The following RAB7A variants were observed in gnomAD, a reference collection of about 807,000 sequenced individuals.
RAB7A encodes RAB7A, member RAS oncogene family, also known as ras-related protein Rab-7a.
Under a neutral mutation model 24.5 loss-of-function variants are expected in RAB7A, and 2 were observed. The observed-to-expected ratio is 0.08, with a 90% CI of 0.03 to 0.26. RAB7A has a LOEUF of 0.26. Among genes scored for constraint, RAB7A ranks in the 10% least tolerant of loss-of-function variants. RAB7A has a pLI of 1.00. For synonymous variants in RAB7A, 100 were observed against 95.9 expected (o/e 1.04, Z -0.25); for missense variants, 118 against 255.7 (o/e 0.46, Z 3.67).
rs368342555 is a variant in RAB7A, at chr3:128,795,494, C to T, written c.53+74C>T. The T allele has an allele frequency of 3.7e-4, 504 of 1,364,488 alleles. 1 individual carries two copies. Among genetic ancestry groups the T allele is most frequent in the African/African-American group, 1.1e-3 (77 of 70,002 alleles). 84.5% of individuals were successfully genotyped at this position (1,364,488 alleles called of 1,614,324 possible). On this transcript the variant is annotated intron_variant, in intron 2 of 5. Coordinates refer to ENST00000265062, the MANE Select transcript of RAB7A (RefSeq NM_004637.6). ...TCTCTGCTGTGGAGCCCACACTGTC[C>T]GTGCTGCCACTTCTTGCTTTCATAG...
At chr3:128,757,421 G>A (rs570761214) in intron 1 of RAB7A, among the ~76,000 whole-genome samples, 12 of 152,268 alleles carry the variant, frequency 7.9e-5, no homozygotes, top group African/African-American at 2.9e-4. Flanking sequence ...GGTGTGCTTA[G>A]CAGTTTGAAA....
intron 2 of RAB7A, 121 bp from the exon 3 acceptor site, chr3:128,797,822 G>A: frequency 8.9e-7 from 1 of 1,129,036 alleles, no homozygotes; most frequent in Non-Finnish European, 1.3e-6. Context: ...ATTGCCCTTT[G>A]CTGTGAGGGC....
intron 1 of RAB7A, among the ~76,000 whole-genome samples, chr3:128,770,607 A>G (rs759358432): frequency 6.6e-6 from 1 of 152,184 alleles, no homozygotes; most frequent in African/African-American, 2.4e-5. Context: ...ACAAAAGTAC[A>G]TCATCAGTTG....
At chr3:128,768,683 C>T (rs771228706) in intron 1 of RAB7A, among the ~76,000 whole-genome samples, 31 of 151,460 alleles carry the variant, frequency 2.0e-4, no homozygotes, top group African/African-American at 5.8e-4. Flanking sequence ...CTCAGCCCCA[C>T]GAGTAGCTGG....
At chr3:128,766,390 G>A (rs1032159159) in intron 1 of RAB7A, among the ~76,000 whole-genome samples, 13 of 152,184 alleles carry the variant, frequency 8.5e-5, no homozygotes, top group Admixed American at 2.6e-4. Context: ...GGTAACCACC[G>A]TCATGGGAAA....
Position 128,731,083 on chromosome 3 carries a change from C to G in RAB7A, c.-9+4724C>G, listed in dbSNP as rs528975003. ...CTTTCCTTTCCAGCTTTGCTTCATACTGCTGGGCATTAACCATCTCAGATC... is the reference window on the plus strand; with the variant it reads ...CTTTCCTTTCCAGCTTTGCTTCATAGTGCTGGGCATTAACCATCTCAGATC... On this transcript the variant is annotated intron_variant, in intron 1 of 5. Coordinates refer to ENST00000265062, the MANE Select transcript of RAB7A (RefSeq NM_004637.6). Among the ~76,000 whole-genome samples the G allele has an allele frequency of 2.0e-5, 3 of 152,328 alleles. No individual in the cohort carries two copies. The South Asian group carries it at 6.2e-4, about 32-fold the overall frequency.
intron 1 of RAB7A, among the ~76,000 whole-genome samples, chr3:128,763,820 T>C (rs1414562102): frequency 1.3e-5 from 2 of 151,918 alleles, no homozygotes; most frequent in Non-Finnish European, 1.5e-5. Context: ...ATTTCAATCA[T>C]TTTAAATACA....
In RAB7A at chr3:128,754,311, TTA is replaced by T. The variant is rs546237144; in HGVS notation, c.-9+27956_-9+27957del. The stretch of plus-strand genomic sequence containing the variant: ...GGTTGGAGCTGTATAGGAGCAGTTT[TTA>T]TATGTTATTGAAGTTAACTTGGTAT... On this transcript the variant is annotated intron_variant, in intron 1 of 5. Transcript: ENST00000265062. Among the ~76,000 whole-genome samples the T allele has an allele frequency of 9.8e-5, 15 of 152,328 alleles. No individual in the cohort carries two copies. The East Asian group carries it at 2.5e-3, about 25-fold the overall frequency.
chr3:128,774,206 A>T (rs951729586), intron 1 of RAB7A, among the ~76,000 whole-genome samples: 1 of 150,982 alleles, frequency 6.6e-6, no homozygotes, highest in Non-Finnish European at 1.5e-5. Context: ...AAAATTAAAA[A>T]AAAAAAAAGC....
At chr3:128,802,960 A>C (rs1304628521) in intron 3 of RAB7A, among the ~76,000 whole-genome samples, 5 of 151,946 alleles carry the variant, frequency 3.3e-5, no homozygotes, top group Non-Finnish European at 7.4e-5. Flanking sequence ...GCCTGCCACC[A>C]CGCTTGGCTA....
Position 128,813,545 on chromosome 3 carries a change from A to G in RAB7A, c.*123A>G. Reference sequence around the variant, plus strand: ...TTGATCTCTCACATCCAGCTGCCAAAAGAAAACCCCATCAAACACAGTTAC... The same window carrying G: ...TTGATCTCTCACATCCAGCTGCCAAGAGAAAACCCCATCAAACACAGTTAC... On this transcript the variant is annotated 3_prime_UTR_variant, in exon 6 of 6. Coordinates refer to ENST00000265062, the MANE Select transcript of RAB7A (RefSeq NM_004637.6). The G allele has an allele frequency of 3.3e-6, 3 of 898,032 alleles. No individual in the cohort carries two copies. Among genetic ancestry groups the G allele is most frequent in the Non-Finnish European group, 5.4e-6 (3 of 554,082 alleles). 55.6% of individuals were successfully genotyped at this position (898,032 alleles called of 1,614,324 possible).
At chr3:128,781,343 C>T (rs1933214314) in intron 1 of RAB7A, among the ~76,000 whole-genome samples, 2 of 152,168 alleles carry the variant, frequency 1.3e-5, no homozygotes, top group African/African-American at 4.8e-5. Context: ...GGAGGATTCT[C>T]ATTTTTCACA....
Position 128,813,830 on chromosome 3 carries a change from T to G in RAB7A, c.*408T>G. ...TCTGTGTCTAATTATCTGATTTTTT[T>G]TATTGGTCTTGTGGTCTTTTTACCC... On this transcript the variant is annotated 3_prime_UTR_variant, in exon 6 of 6. Transcript: ENST00000265062. The G allele has an allele frequency of 3.5e-6, 1 of 285,630 alleles. No individual in the cohort carries two copies. The highest frequency in any genetic ancestry group is 7.0e-6 in the Non-Finnish European group (1 of 143,286). 17.7% of individuals were successfully genotyped at this position (285,630 alleles called of 1,614,324 possible).
chr3:128,751,999 GC>G lies in RAB7A; in HGVS notation c.-9+25643del, dbSNP rs201070654. Among the ~76,000 whole-genome samples, 971 of 152,276 alleles carry G rather than the reference GC, an allele frequency of 6.4e-3. 6 individuals carry two copies. Among genetic ancestry groups the G allele is most frequent in the Middle Eastern group, 0.027 (8 of 294 alleles). On this transcript the variant is annotated intron_variant, in intron 1 of 5. Transcript: ENST00000265062. ...CATAAGATGTGACTTGCTCCTCCTTGCCCTCTGCCATGATTGTGAGGCTTCC... is the reference window on the plus strand; with the variant it reads ...CATAAGATGTGACTTGCTCCTCCTTGCCTCTGCCATGATTGTGAGGCTTCC...
At chr3:128,754,759 T>C (rs1371964511) in intron 1 of RAB7A, among the ~76,000 whole-genome samples, 1 of 152,142 alleles carries the variant, frequency 6.6e-6, no homozygotes, top group Non-Finnish European at 1.5e-5. Context: ...GCTACACTAA[T>C]ATCAGACAAA....
intron 1 of RAB7A, among the ~76,000 whole-genome samples, chr3:128,773,054 G>C (rs532853069): frequency 6.6e-6 from 1 of 151,884 alleles, no homozygotes; most frequent in Non-Finnish European, 1.5e-5. Flanking sequence ...GCTGCCCATC[G>C]TCTGGGATGC....
intron 1 of RAB7A, among the ~76,000 whole-genome samples, chr3:128,756,069 G>A (rs2070726930): frequency 6.6e-6 from 1 of 152,240 alleles, no homozygotes; most frequent in African/African-American, 2.4e-5. Context: ...CGGGCACAGT[G>A]GCTCATGCCT....
chr3:128,791,474 T>TA (rs1350321964), intron 1 of RAB7A, among the ~76,000 whole-genome samples: 2 of 152,180 alleles, frequency 1.3e-5, no homozygotes, highest in Non-Finnish European at 2.9e-5. Context: ...ATCCCATCCC[T>TA]AAACAGAATC....
At chr3:128,793,740 C>CAGAA (rs1933510863) in intron 1 of RAB7A, among the ~76,000 whole-genome samples, 1 of 152,152 alleles carries the variant, frequency 6.6e-6, no homozygotes, top group Non-Finnish European at 1.5e-5. Flanking sequence ...TGATGGAAGA[C>CAGAA]AGAACTCCAA....
Sources: allele counts gnomAD v4.1 joint callset (sites outside exome capture counted in the v4.1 genomes callset), GRCh38; gene constraint gnomAD v4.1.1; transcripts MANE v1.5; gene names NCBI Gene and HGNC (gene_info 2026-07-23, HGNC 2026-07-21).